BACH2: variants seen among roughly 807,000 people sequenced by gnomAD.
BACH2 encodes the protein BACH transcriptional regulator 2, also known as transcription regulator protein BACH2.
BACH2 carries 5 observed loss-of-function variants against 61.8 expected under a neutral mutation model. That is an observed-to-expected ratio of 0.08 (90% CI 0.04 to 0.17). BACH2 has a LOEUF of 0.17. Among genes scored for constraint, BACH2 ranks in the 10% least tolerant of loss-of-function variants. The pLI is 1.00. For missense variants in BACH2, 824 were observed against 1,091.1 expected (o/e 0.76, Z 3.45); for synonymous variants, 446 against 440.1 (o/e 1.01, Z -0.17).
At chr6:90,002,058 C>T (rs532373771) in intron 6 of BACH2, among the ~76,000 whole-genome samples, 2 of 152,276 alleles carry the variant, frequency 1.3e-5, no homozygotes, top group East Asian at 1.9e-4. Context: ...TCCAAATTGC[C>T]GGATGGTCAG....
intron 6 of BACH2, among the ~76,000 whole-genome samples, chr6:89,977,346 C>G (rs1025796788): frequency 1.3e-5 from 2 of 152,192 alleles, no homozygotes; most frequent in African/African-American, 4.8e-5. Context: ...ATGTACTGTG[C>G]TGATAGAGAA....
chr6:90,201,006 C>T (rs1457650775), intron 4 of BACH2, among the ~76,000 whole-genome samples: 1 of 152,144 alleles, frequency 6.6e-6, no homozygotes, highest in Non-Finnish European at 1.5e-5. Flanking sequence ...TTAGACTGCA[C>T]ATGCTGTTAT....
chr6:89,933,762 G>C (rs1371828094), intron 8 of BACH2, among the ~76,000 whole-genome samples: 1 of 152,144 alleles, frequency 6.6e-6, no homozygotes, highest in South Asian at 2.1e-4. Context: ...AAGTTGTGCG[G>C]ATCGCTTGAG....
chr6:90,278,734 G>C (rs1771769086), intron 1 of BACH2, among the ~76,000 whole-genome samples: 1 of 152,138 alleles, frequency 6.6e-6, no homozygotes, highest in African/African-American at 2.4e-5. Context: ...CAAGTAAGTG[G>C]ATTCTGTCGG....
At chr6:90,133,509 CA>C (rs1784146951) in intron 4 of BACH2, among the ~76,000 whole-genome samples, 1 of 150,726 alleles carries the variant, frequency 6.6e-6, no homozygotes, top group Non-Finnish European at 1.5e-5. Context: ...TTTAGAAAAG[CA>C]TTTTCTTTTT....
At chr6:90,239,234 T>C (rs186380813) in intron 3 of BACH2, among the ~76,000 whole-genome samples, 2 of 152,286 alleles carry the variant, frequency 1.3e-5, no homozygotes, top group Admixed American at 6.5e-5. Flanking sequence ...CTGGTAATCT[T>C]TGAAATTAGG....
In BACH2 at chr6:89,963,521, G is replaced by T. The variant is rs141705546; in HGVS notation, c.244-11659C>A. Among the ~76,000 whole-genome samples the T allele has an allele frequency of 4.1e-3, 618 of 152,176 alleles. 2 individuals are homozygous for T. The highest frequency in any genetic ancestry group is 8.0e-3 in the Admixed American group (123 of 15,282). On this transcript the variant is annotated intron_variant, in intron 6 of 8. Transcript: ENST00000257749. ...TGCCCAGGCTGGTCTTGAACTCCTGGGCTCAAGTGATTCTCCTGCCTCGTT... is the reference window on the plus strand; with the variant it reads ...TGCCCAGGCTGGTCTTGAACTCCTGTGCTCAAGTGATTCTCCTGCCTCGTT...
chr6:90,060,198 A>G (rs1780611552), intron 5 of BACH2, among the ~76,000 whole-genome samples: 1 of 151,848 alleles, frequency 6.6e-6, no homozygotes, highest in Non-Finnish European at 1.5e-5. Context: ...CTTAAAAAAA[A>G]AGAAAAATTC....
chr6:90,282,004 G>A (rs913110984), intron 1 of BACH2, among the ~76,000 whole-genome samples: 19 of 151,644 alleles, frequency 1.3e-4, no homozygotes, highest in African/African-American at 4.8e-5. Context: ...TCTATATGTG[G>A]TTATACTAGT....
intron 1 of BACH2, among the ~76,000 whole-genome samples, chr6:90,280,392 A>T (rs1771823214): frequency 6.6e-6 from 1 of 152,194 alleles, no homozygotes; most frequent in Non-Finnish European, 1.5e-5. Context: ...ACATCGGGGG[A>T]AACTGGACAA....
At chr6:90,279,240 C>T (rs1370075565) in intron 1 of BACH2, among the ~76,000 whole-genome samples, 4 of 151,868 alleles carry the variant, frequency 2.6e-5, no homozygotes, top group South Asian at 2.1e-4. Context: ...AAAAAGAATA[C>T]GGCCAGGCAC....
At chr6:90,155,305 T>C (rs115486322) in intron 4 of BACH2, among the ~76,000 whole-genome samples, 242 of 152,312 alleles carry the variant, frequency 1.6e-3, no homozygotes, top group African/African-American at 5.6e-3. Context: ...CCTCTTGGTC[T>C]TGTAAGAAGG....
At chr6:90,066,637 A>G (rs1780980247) in intron 5 of BACH2, among the ~76,000 whole-genome samples, 1 of 152,232 alleles carries the variant, frequency 6.6e-6, no homozygotes, top group Non-Finnish European at 1.5e-5. Context: ...AAAAGAAAAG[A>G]GAGACATCTC....
intron 1 of BACH2, among the ~76,000 whole-genome samples, chr6:90,276,451 G>A (rs1771694333): frequency 6.6e-6 from 1 of 152,158 alleles, no homozygotes; most frequent in Admixed American, 6.5e-5. Flanking sequence ...AGCATTAAAG[G>A]TAGACACTGA....
intron 6 of BACH2, among the ~76,000 whole-genome samples, chr6:89,994,068 T>G (rs1448305847): frequency 6.6e-6 from 1 of 152,202 alleles, no homozygotes; most frequent in East Asian, 1.9e-4. Context: ...TTGAGTGACT[T>G]ACCAAAGCAC....
chr6:90,006,262 C>T (rs915319441), intron 6 of BACH2, among the ~76,000 whole-genome samples: 1 of 152,206 alleles, frequency 6.6e-6, no homozygotes, highest in Admixed American at 6.5e-5. Flanking sequence ...CAAATGCCTA[C>T]TAGAGGATAA....
intron 5 of BACH2, among the ~76,000 whole-genome samples, chr6:90,052,548 C>A (rs1439828252): frequency 7.2e-5 from 11 of 152,022 alleles, no homozygotes. Flanking sequence ...GCCTCCCGAG[C>A]AGTTGGGATT....
chr6:90,277,012 T>A (rs1771716532), intron 1 of BACH2, among the ~76,000 whole-genome samples: 1 of 152,192 alleles, frequency 6.6e-6, no homozygotes, highest in African/African-American at 2.4e-5. Flanking sequence ...AATGGCTGCC[T>A]TAGTATTTAT....
chr6:90,041,131 T>C (rs1779513184), intron 5 of BACH2, among the ~76,000 whole-genome samples: 1 of 152,192 alleles, frequency 6.6e-6, no homozygotes. Context: ...TGGGCGCCCT[T>C]GTCTTCATTG....
Sources: gnomAD v4.1 joint callset for allele counts (sites outside exome capture counted in the v4.1 genomes callset) on GRCh38, gnomAD v4.1.1 for gene constraint, MANE v1.5 for transcripts, NCBI Gene and HGNC (gene_info 2026-07-23, HGNC 2026-07-21) for gene names.